Variants in ARHGEF40 observed in about 807,000 individuals in gnomAD.
The protein encoded by ARHGEF40 is Rho guanine nucleotide exchange factor (GEF) 40.
ARHGEF40 carries 98 observed loss-of-function variants against 165.9 expected under a neutral mutation model. The observed-to-expected ratio is 0.59, with a 90% CI of 0.50 to 0.70. The LOEUF is 0.70. Ranked by LOEUF, ARHGEF40 falls within the 30% of genes least tolerant of loss-of-function variation. The probability of loss-of-function intolerance (pLI) is 0.00; values close to 1 mark genes in which losing one functional copy is unlikely to be tolerated. For missense variants in ARHGEF40, 1,815 were observed against 1,968.0 expected (o/e 0.92, Z 1.47); for synonymous variants, 792 against 814.3 (o/e 0.97, Z 0.47).
the ARHGEF40 span, among the ~76,000 whole-genome samples, chr14:21,064,462 C>T: frequency 3.0e-4 from 45 of 152,232 alleles, no homozygotes; most frequent in Non-Finnish European, 5.9e-4. Flanking sequence ...CTGCCACACC[C>T]AGCTAATTTT....
rs1888214842 is a variant in ARHGEF40, at chr14:21,084,848, G to A, written c.3885G>A (p.Glu1295=). The change falls in exon 18 of 24, where the codon GAG becomes GAA. Residue 1295 remains glutamate, a synonymous_variant. Transcript: ENST00000298694. The part of the protein sequence containing the change: ...KKCLRHVFLF[E]HLLLFSKLKG... The stretch of plus-strand genomic sequence containing the variant: ...GCCTTCGCCATGTCTTTCTCTTCGA[G>A]CATCTCCTCCTGTTCAGCAAGCTCA... 1.9e-6 allele frequency: 3 copies of A among 1,614,200 alleles called. No homozygotes were observed.
chr14:21,085,409 A>T (rs952983577), intron 18 of ARHGEF40, among the ~76,000 whole-genome samples: 5 of 152,202 alleles, frequency 3.3e-5, no homozygotes, highest in African/African-American at 1.2e-4. Flanking sequence ...GAGGGTAAGC[A>T]TAGAGTATAG....
In ARHGEF40 at chr14:21,070,392, G is replaced by T; in HGVS notation, c.-5G>T. 1 of 1,409,814 alleles carries T rather than the reference G, an allele frequency of 7.1e-7. No homozygotes were observed. The allele number at this position is 1,409,814 out of a possible 1,614,324, so 87.3% of individuals were successfully genotyped here. On this transcript the variant is annotated 5_prime_UTR_variant, in exon 1 of 24. Transcript: ENST00000298694. The surrounding 1 kb of genome is among the most constrained non-coding windows in gnomAD (Gnocchi z 4.7). ...CAAGCGTCGGACGCGGCCCGGCGCCGAGCCATGGTGAGTCCAGCGTCGCAG... is the reference window on the plus strand; with the variant it reads ...CAAGCGTCGGACGCGGCCCGGCGCCTAGCCATGGTGAGTCCAGCGTCGCAG...
At chr14:21,076,727 G>A (rs1271720618) in intron 7 of ARHGEF40, 47 bp from the exon 8 acceptor site, 3 of 1,609,994 alleles carry the variant, frequency 1.9e-6, no homozygotes, top group Non-Finnish European at 2.6e-6. Context: ...GCTGGTTTCT[G>A]AGTCCTTGGG....
In ARHGEF40 at chr14:21,072,712, T is replaced by A. The variant is rs1439294982; in HGVS notation, c.4-333T>A. Among the ~76,000 whole-genome samples the A allele has an allele frequency of 6.6e-6, 1 of 152,158 alleles. No homozygotes were observed. Among genetic ancestry groups the A allele is most frequent in the Non-Finnish European group, 1.5e-5 (1 of 68,026 alleles). ...AGTCCCCTGATAGCCCAGAAGCCTGTCTTTTCTCTCCTGGGAAAGATCTAT... is the reference window on the plus strand; with the variant it reads ...AGTCCCCTGATAGCCCAGAAGCCTGACTTTTCTCTCCTGGGAAAGATCTAT... On this transcript the variant is annotated intron_variant, in intron 1 of 23. Coordinates refer to ENST00000298694, the MANE Select transcript of ARHGEF40 (RefSeq NM_018071.5). This position sits in a 1 kb window ranked among gnomAD's most constrained non-coding sequence, Gnocchi z 4.1.
At position 21,078,929 on chromosome 14, in the gene ARHGEF40, G is replaced by A. The variant is rs138217872; in HGVS notation, c.2292G>A (p.Glu764=). 1 of 1,614,198 alleles carries A rather than the reference G, an allele frequency of 6.2e-7. No individual in the cohort carries two copies. Among genetic ancestry groups the A allele is most frequent in the Non-Finnish European group, 8.5e-7 (1 of 1,180,002 alleles). ...GPATLYQEVD[E]AIHQLVRLSN... ...CTACACTGTATCAGGAAGTGGACGA[G>A]GCCATTCACCAGCTTGTGCGCCTCT... The change falls in exon 11 of 24, where the codon GAG becomes GAA. Residue 764 remains glutamate, a synonymous_variant. Transcript: ENST00000298694.
rs1045989243 is a variant in ARHGEF40 at position 21,070,618 on chromosome 14, C to T, written c.3+219C>T. Among the ~76,000 whole-genome samples, 4 of 152,062 alleles carry T rather than the reference C, an allele frequency of 2.6e-5. No homozygotes were observed. Among genetic ancestry groups the T allele is most frequent in the African/African-American group, 9.7e-5 (4 of 41,396 alleles). On this transcript the variant is annotated intron_variant, in intron 1 of 23. Coordinates refer to ENST00000298694, the MANE Select transcript of ARHGEF40 (RefSeq NM_018071.5). This position sits in a 1 kb window ranked among gnomAD's most constrained non-coding sequence, Gnocchi z 4.7. Reference sequence around the variant, plus strand: ...TGCCCTCACCCTTTCTTCCTCCTCTCCTCCGCCTCCTCCCCCATCCTCCCT... The same window carrying T: ...TGCCCTCACCCTTTCTTCCTCCTCTTCTCCGCCTCCTCCCCCATCCTCCCT...
At position 21,089,480 on chromosome 14, in the gene ARHGEF40, G is replaced by C. The variant is rs561597022; in HGVS notation, c.*472G>C. On this transcript the variant is annotated 3_prime_UTR_variant, in exon 24 of 24. Transcript: ENST00000298694. ...AATAGGAGGGTGTGACAGGGGAACC[G>C]TAGACTTTATATATGTAATTACTGT... 1 of 152,748 alleles carries C rather than the reference G, an allele frequency of 6.5e-6. No homozygotes were observed. Among genetic ancestry groups the C allele is most frequent in the Non-Finnish European group, 1.5e-5 (1 of 68,140 alleles). 9.5% of individuals were successfully genotyped at this position (152,748 alleles called of 1,614,324 possible).
chr14:21,077,692 C>G (rs542572193), intron 8 of ARHGEF40, among the ~76,000 whole-genome samples: 4 of 152,290 alleles, frequency 2.6e-5, no homozygotes, highest in African/African-American at 7.2e-5. Flanking sequence ...CAGCACTTAT[C>G]TCATGTAATT....
Position 21,087,315 on chromosome 14 carries a change from T to C in ARHGEF40, c.4244-5T>C. The C allele has an allele frequency of 6.2e-7, 1 of 1,604,136 alleles. No homozygotes were observed. ...ACCCCACCCCCCACTCCCCACTCTC[T>C]GCAGCCGCCCGCACCCGGGCCTCCG... On this transcript the variant is annotated splice_region_variant and splice_polypyrimidine_tract_variant and intron_variant, in intron 20 of 23. Transcript: ENST00000298694.
At position 21,073,125 on chromosome 14, in the gene ARHGEF40, G is replaced by C. The variant is rs772258730; in HGVS notation, c.84G>C (p.Leu28=). ...CCTTTGAGGCAACAGCCCCCACCCT[G>C]TTGGGCCAGGTGTTCCAGGTGGTGG... is the stretch of plus-strand genomic sequence containing the variant. ...YPPFEATAPT[L]LGQVFQVVER... The change falls in exon 2 of 24, where the codon CTG becomes CTC. Residue 28 remains leucine, a synonymous_variant. Transcript: ENST00000298694. The surrounding 1 kb of genome is among the most constrained non-coding windows in gnomAD (Gnocchi z 4.6). The C allele has an allele frequency of 1.1e-5, 18 of 1,614,058 alleles. No homozygotes were observed. The highest frequency in any genetic ancestry group is 1.5e-5 in the Non-Finnish European group (18 of 1,180,030).
chr14:21,070,368 A>T lies in ARHGEF40; in HGVS notation c.-29A>T. On this transcript the variant is annotated 5_prime_UTR_variant, in exon 1 of 24. Transcript: ENST00000298694. This position sits in a 1 kb window ranked among gnomAD's most constrained non-coding sequence, Gnocchi z 4.7. Reference sequence around the variant, plus strand: ...CGCGCCCGGCCCCGCCCGCCCGACCAAGCGTCGGACGCGGCCCGGCGCCGA... The same window carrying T: ...CGCGCCCGGCCCCGCCCGCCCGACCTAGCGTCGGACGCGGCCCGGCGCCGA... 2 of 1,407,890 alleles carry T rather than the reference A, an allele frequency of 1.4e-6. No individual in the cohort carries two copies. Among genetic ancestry groups the T allele is most frequent in the Non-Finnish European group, 1.8e-6 (2 of 1,088,820 alleles). The allele number at this position is 1,407,890 out of a possible 1,614,324, so 87.2% of individuals were successfully genotyped here. A position where few individuals can be genotyped will look rare whatever the true frequency, so the allele number is the denominator to read the frequency against.
chr14:21,075,483 A>T lies in ARHGEF40; in HGVS notation c.1602A>T (p.Gly534=). The change falls in exon 4 of 24, where the codon GGA becomes GGT. Residue 534 remains glycine, a synonymous_variant. Coordinates refer to ENST00000298694, the MANE Select transcript of ARHGEF40 (RefSeq NM_018071.5). This position sits in a 1 kb window ranked among gnomAD's most constrained non-coding sequence, Gnocchi z 4.5. The part of the protein sequence containing the change: ...PDVAWDLMAS[G]FLILTGGVDQ... The stretch of plus-strand genomic sequence containing the variant: ...TAGCTTGGGACTTGATGGCATCTGG[A>T]TTCCTCATCCTGACGGGTCAGTGGG... 1 of 1,614,122 alleles carries T rather than the reference A, an allele frequency of 6.2e-7. No individual in the cohort carries two copies. The highest frequency in any genetic ancestry group is 8.5e-7 in the Non-Finnish European group (1 of 1,180,004).
At chr14:21,083,424 C>T (rs1481387919) in intron 16 of ARHGEF40, among the ~76,000 whole-genome samples, 1 of 151,452 alleles carries the variant, frequency 6.6e-6, no homozygotes, top group Non-Finnish European at 1.5e-5. Flanking sequence ...GTGGCGGGCA[C>T]CTGTAGTCCC....
At chr14:21,083,050 C>A in intron 16 of ARHGEF40, 133 bp downstream of exon 16, 1 of 797,234 alleles carries the variant, frequency 1.3e-6, no homozygotes, top group Non-Finnish European at 2.0e-6. Flanking sequence ...CCTAGAATTG[C>A]CGAGGGTGGG....
intron 1 of ARHGEF40, among the ~76,000 whole-genome samples, chr14:21,071,542 T>C (rs1886866364): frequency 6.6e-6 from 1 of 152,136 alleles, no homozygotes; most frequent in Non-Finnish European, 1.5e-5. Flanking sequence ...TCTGGTCTCC[T>C]CTCTGGTCCC....
rs1216762092 is a variant in ARHGEF40, at chr14:21,074,769, T to A, written c.1039T>A (p.Ser347Thr). 2 of 1,610,254 alleles carry A rather than the reference T, an allele frequency of 1.2e-6. No homozygotes were observed. The highest frequency in any genetic ancestry group is 1.7e-6 in the Non-Finnish European group (2 of 1,178,834). The change falls in exon 3 of 24, where the codon TCT (serine) becomes ACT (threonine). Residue 347 changes from serine to threonine, a missense_variant. Physicochemically the swap from Ser to Thr is moderately conservative, Grantham distance 58. Coordinates refer to ENST00000298694, the MANE Select transcript of ARHGEF40 (RefSeq NM_018071.5). The surrounding 1 kb of genome is among the most constrained non-coding windows in gnomAD (Gnocchi z 4.8). ...PAEAVGEASG[S>T]CPLRPGELRG... is the part of the protein sequence containing the mutation. ...AGAGGCTGTGGGAGAAGCCTCCGGA[T>A]CTTGCCCCCTGAGGCCAGGGGAGCT...
At chr14:21,081,463 G>A (rs1426304516) in intron 13 of ARHGEF40, 46 bp from the exon 14 acceptor site, 5 of 1,603,522 alleles carry the variant, frequency 3.1e-6, no homozygotes, top group African/African-American at 1.3e-5. Flanking sequence ...GAGCAACACA[G>A]GCCCTTACCC....
chr14:21,085,523 A>ATGT (rs1234610791), intron 18 of ARHGEF40, among the ~76,000 whole-genome samples, 166 bp from the exon 19 acceptor site: 1 of 152,222 alleles, frequency 6.6e-6, no homozygotes, highest in Non-Finnish European at 1.5e-5. Flanking sequence ...TCTGTAAATT[A>ATGT]TGTTTGTTAC....
Sources: gnomAD v4.1 joint callset for allele counts (sites outside exome capture counted in the v4.1 genomes callset) on GRCh38, gnomAD v4.1.1 for gene constraint, Gnocchi (gnomAD v3.1) non-coding constraint, MANE v1.5 for transcripts, NCBI Gene and HGNC (gene_info 2026-07-23, HGNC 2026-07-21) for gene names.